Variants in PCLO observed in about 807,000 individuals in gnomAD.
The protein encoded by PCLO is protein piccolo.
Under a neutral mutation model 427.5 loss-of-function variants are expected in PCLO, and 82 were observed. The ratio of observed to expected loss-of-function variants is 0.19; its 90% CI spans 0.16 to 0.23. The LOEUF (loss-of-function observed/expected upper bound fraction) is 0.23, where lower values mean the gene tolerates loss of function less well. Ranked by LOEUF, PCLO falls within the 10% of genes least tolerant of loss-of-function variation. The pLI is 1.00. For synonymous variants in PCLO, 2,357 were observed against 2,155.4 expected, an observed-to-expected ratio of 1.09 and a Z score of -2.59; for missense variants, 6,239 against 6,115.9, an observed-to-expected ratio of 1.02 and a Z score of -0.67.
At chr7:83,080,129 C>A (rs567346725) in intron 3 of PCLO, among the ~76,000 whole-genome samples, 1 of 152,228 alleles carries the variant, frequency 6.6e-6, no homozygotes, top group African/African-American at 2.4e-5. Context: ...CATTGATGGG[C>A]ATTTGAGTTG....
At chr7:82,819,597 T>A (rs908980632) in intron 20 of PCLO, among the ~76,000 whole-genome samples, 42 of 152,118 alleles carry the variant, frequency 2.8e-4, no homozygotes, top group African/African-American at 9.6e-4. Flanking sequence ...AAAAAGAAAT[T>A]GTGCTTTGAT....
At chr7:83,051,941 TG>T (rs1789265053) in intron 3 of PCLO, among the ~76,000 whole-genome samples, 1 of 152,042 alleles carries the variant, frequency 6.6e-6, no homozygotes, top group African/African-American at 2.4e-5. Flanking sequence ...GGAGAAAGGA[TG>T]TTTTTTTTAA....
chr7:82,901,329 T>C (rs1794033738), intron 9 of PCLO, among the ~76,000 whole-genome samples: 1 of 151,952 alleles, frequency 6.6e-6, no homozygotes, highest in Admixed American at 6.6e-5. Flanking sequence ...CAAATGTCAG[T>C]ACATATGTAA....
chr7:82,928,468 C>A (rs1259554610), intron 6 of PCLO, among the ~76,000 whole-genome samples: 1 of 152,144 alleles, frequency 6.6e-6, no homozygotes, highest in African/African-American at 2.4e-5. Context: ...ATGACCTCCA[C>A]CTCACAGGTT....
At chr7:82,802,225 T>C (rs1432914651) in intron 21 of PCLO, among the ~76,000 whole-genome samples, 1 of 147,342 alleles carries the variant, frequency 6.8e-6, no homozygotes, top group African/African-American at 2.5e-5. Flanking sequence ...CCTTTTGTGA[T>C]ATAAAGATAA....
intron 17 of PCLO, among the ~76,000 whole-genome samples, chr7:82,827,625 A>C (rs2115684792): frequency 6.6e-6 from 1 of 152,162 alleles, no homozygotes; most frequent in Middle Eastern, 3.4e-3. Flanking sequence ...CAAATGGAAA[A>C]TATTCCACTA....
intron 22 of PCLO, among the ~76,000 whole-genome samples, chr7:82,779,957 T>C (rs1189746459): frequency 1.3e-5 from 2 of 152,156 alleles, no homozygotes; most frequent in Non-Finnish European, 2.9e-5. Context: ...AATGAACTAA[T>C]AGAGTGTTCA....
chr7:82,825,626 T>C (rs951194773), intron 18 of PCLO, among the ~76,000 whole-genome samples: 1 of 148,096 alleles, frequency 6.8e-6, no homozygotes, highest in Non-Finnish European at 1.5e-5. Flanking sequence ...GTATATATAT[T>C]ATATATATTA....
chr7:83,093,263 C>A (rs1347854346), intron 3 of PCLO, among the ~76,000 whole-genome samples: 1 of 151,158 alleles, frequency 6.6e-6, no homozygotes, highest in East Asian at 1.9e-4. Flanking sequence ...ATGTATAAAT[C>A]TACTCATTTT....
chr7:82,851,288 G>A (rs1408895396), intron 10 of PCLO, among the ~76,000 whole-genome samples: 6 of 151,550 alleles, frequency 4.0e-5, no homozygotes, highest in African/African-American at 1.5e-4. Flanking sequence ...GAACGCTCAC[G>A]ATGAAAATAC....
chr7:82,782,058 C>T (rs762150621), intron 22 of PCLO, among the ~76,000 whole-genome samples: 45 of 152,154 alleles, frequency 3.0e-4, no homozygotes, highest in Non-Finnish European at 5.9e-4. Flanking sequence ...TCACAGGAAC[C>T]CCAACTTGAA....
chr7:82,898,832 G>A (rs2116170508), intron 9 of PCLO, among the ~76,000 whole-genome samples: 1 of 151,448 alleles, frequency 6.6e-6, no homozygotes, highest in South Asian at 2.1e-4. Flanking sequence ...TAATCTCCAA[G>A]CTCCAACAAT....
intron 3 of PCLO, among the ~76,000 whole-genome samples, chr7:83,017,658 A>G (rs1788241623): frequency 6.6e-6 from 1 of 152,058 alleles, no homozygotes; most frequent in Non-Finnish European, 1.5e-5. Context: ...CAGCTACAAA[A>G]TCATGTTACT....
intron 20 of PCLO, among the ~76,000 whole-genome samples, chr7:82,819,020 G>C (rs1453705990): frequency 6.6e-6 from 1 of 152,054 alleles, no homozygotes; most frequent in Non-Finnish European, 1.5e-5. Flanking sequence ...TCTCTGCCTA[G>C]TTTTTCTCTC....
At position 82,951,933 on chromosome 7, in the gene PCLO, T is replaced by A; in HGVS notation, c.9020A>T (p.Tyr3007Phe). ...TNLAEAGHFF[Y>F]KSKNAFDYSE... ...ATAATCAAAAGCATTCTTACTTTTATAGAAAAAATGTCCAGCTTCTGCTAA... is the reference window on the plus strand; with the variant it reads ...ATAATCAAAAGCATTCTTACTTTTAAAGAAAAAATGTCCAGCTTCTGCTAA... Residue 3007 changes from tyrosine to phenylalanine, a missense_variant, in exon 5 of 25, where the codon TAT becomes TTT. Tyr to Phe is a conservative substitution (Grantham distance 22, BLOSUM62 3). Coordinates refer to ENST00000333891, the MANE Select transcript of PCLO (RefSeq NM_033026.6). 2 of 1,613,894 alleles carry A rather than the reference T, an allele frequency of 1.2e-6. No individual in the cohort carries two copies. Among genetic ancestry groups the A allele is most frequent in the East Asian group, 4.5e-5 (2 of 44,882 alleles).
Position 82,758,521 on chromosome 7 carries a change from T to C in PCLO, c.*54A>G. 1 of 1,499,986 alleles carries C rather than the reference T, an allele frequency of 6.7e-7. No homozygotes were observed. The highest frequency in any genetic ancestry group is 9.1e-7 in the Non-Finnish European group (1 of 1,098,716). The allele number at this position is 1,499,986 out of a possible 1,614,324, so 92.9% of individuals were successfully genotyped here. On this transcript the variant is annotated 3_prime_UTR_variant, in exon 25 of 25. Transcript: ENST00000333891. Reference sequence around the variant, plus strand: ...TTTGTACAATAGTATTCAACTATAGTCTTGATGTGAGGCTATTTAGAGCAG... The same window carrying C: ...TTTGTACAATAGTATTCAACTATAGCCTTGATGTGAGGCTATTTAGAGCAG...
chr7:82,974,503 T>C (rs945303819), intron 3 of PCLO, among the ~76,000 whole-genome samples: 1 of 152,204 alleles, frequency 6.6e-6, no homozygotes, highest in Non-Finnish European at 1.5e-5. Flanking sequence ...TGGGTAATCA[T>C]ACAACTTAAT....
chr7:82,841,541 T>C, intron 13 of PCLO, 32 bp from the exon 14 acceptor site: 1 of 1,275,226 alleles, frequency 7.8e-7, no homozygotes, highest in South Asian at 1.2e-5. Flanking sequence ...ATTACATTAA[T>C]AGATACATTT....
At chr7:82,993,639 C>T (rs2115858429) in intron 3 of PCLO, among the ~76,000 whole-genome samples, 2 of 151,848 alleles carry the variant, frequency 1.3e-5, no homozygotes, top group South Asian at 4.1e-4. Flanking sequence ...AATGTGATTG[C>T]ACACTTAATA....
Sources: gnomAD v4.1 joint callset for allele counts (sites outside exome capture counted in the v4.1 genomes callset) on GRCh38, gnomAD v4.1.1 for gene constraint, MANE v1.5 for transcripts, NCBI Gene and HGNC (gene_info 2026-07-23, HGNC 2026-07-21) for gene names.